The following GSK3B variants were observed in gnomAD, a reference collection of about 807,000 sequenced individuals.
GSK3B encodes the protein glycogen synthase kinase 3 beta.
Under a neutral mutation model 56.4 loss-of-function variants are expected in GSK3B, and 15 were observed. The ratio of observed to expected loss-of-function variants is 0.27; its 90% CI spans 0.18 to 0.41. The LOEUF is 0.41. Among genes scored for constraint, GSK3B ranks in the 10% least tolerant of loss-of-function variants. The probability of loss-of-function intolerance (pLI) is 1.00; values close to 1 mark genes in which losing one functional copy is unlikely to be tolerated. For synonymous variants in GSK3B, 181 were observed against 188.9 expected, an observed-to-expected ratio of 0.96 and a Z score of 0.34; for missense variants, 300 against 513.4, an observed-to-expected ratio of 0.58 and a Z score of 4.02.
In GSK3B at chr3:120,067,331, C is replaced by A. The variant is rs143201417; in HGVS notation, c.88+26016G>T. On this transcript the variant is annotated intron_variant, in intron 1 of 10. Transcript: ENST00000264235. ...ATGCTCCCTGACATAAAATGGAGTA[C>A]GCCCACTAAATCCACTGTAAACTGG... Among the ~76,000 whole-genome samples, 6 of 151,248 alleles carry A rather than the reference C, an allele frequency of 4.0e-5. No homozygotes were observed. The East Asian group carries it at 7.8e-4, about 20-fold the overall frequency.
chr3:120,036,575 T>C (rs993755113), intron 1 of GSK3B, among the ~76,000 whole-genome samples: 1 of 152,058 alleles, frequency 6.6e-6, no homozygotes, highest in Non-Finnish European at 1.5e-5. Flanking sequence ...GGCAGATCAC[T>C]TGAGGTCAGG....
At chr3:119,886,417 G>A (rs2056436606) in intron 7 of GSK3B, among the ~76,000 whole-genome samples, 1 of 152,116 alleles carries the variant, frequency 6.6e-6, no homozygotes, top group African/African-American at 2.4e-5. Context: ...GCAGAGAAAA[G>A]GGAACACTTA....
At chr3:119,848,094 T>C (rs1031406524) in intron 9 of GSK3B, among the ~76,000 whole-genome samples, 1 of 152,214 alleles carries the variant, frequency 6.6e-6, no homozygotes, top group African/African-American at 2.4e-5. Flanking sequence ...TTTATCTGCA[T>C]GGGGGAAGCT....
chr3:120,026,048 C>T (rs2057920178), intron 1 of GSK3B, among the ~76,000 whole-genome samples: 1 of 152,154 alleles, frequency 6.6e-6, no homozygotes, highest in Admixed American at 6.5e-5. Context: ...TTTCTCCTTC[C>T]AGCTCTTATT....
intron 6 of GSK3B, among the ~76,000 whole-genome samples, chr3:119,907,057 T>G (rs765224502): frequency 2.6e-4 from 40 of 152,088 alleles, no homozygotes; most frequent in Non-Finnish European, 4.9e-4. Flanking sequence ...TAAGCACATA[T>G]GAAAACTTGT....
intron 3 of GSK3B, among the ~76,000 whole-genome samples, chr3:119,924,039 T>C (rs2056868443): frequency 1.3e-5 from 2 of 152,234 alleles, no homozygotes; most frequent in South Asian, 4.1e-4. Flanking sequence ...CCTGATAGTA[T>C]ATAACTGATA....
rs1217464059 is a variant in GSK3B at position 119,826,282 on chromosome 3, T to C, written c.*506A>G. 2 of 287,708 alleles carry C rather than the reference T, an allele frequency of 7.0e-6. No individual in the cohort carries two copies. The highest frequency in any genetic ancestry group is 4.4e-5 in the African/African-American group (2 of 45,626). The allele number at this position is 287,708 out of a possible 1,614,324, so 17.8% of individuals were successfully genotyped here. A position where few individuals can be genotyped will look rare whatever the true frequency, so the allele number is the denominator to read the frequency against. ...TAAATACCCGAAGATATGGATTAAT[T>C]TTACAAGTGACATTTAAGTCCCCGT... is the stretch of plus-strand genomic sequence containing the variant. On this transcript the variant is annotated 3_prime_UTR_variant, in exon 11 of 11. Coordinates refer to ENST00000264235, the MANE Select transcript of GSK3B (RefSeq NM_001146156.2).
intron 2 of GSK3B, among the ~76,000 whole-genome samples, chr3:119,952,889 C>A (rs187192903): frequency 6.6e-6 from 1 of 151,804 alleles, no homozygotes; most frequent in African/African-American, 2.4e-5. Context: ...CACATGTTAA[C>A]TGGAATTCAC....
At chr3:119,981,043 G>A (rs1382144285) in intron 2 of GSK3B, among the ~76,000 whole-genome samples, 1 of 152,156 alleles carries the variant, frequency 6.6e-6, no homozygotes, top group African/African-American at 2.4e-5. Context: ...AAATGTCACT[G>A]TAACTCTTAG....
chr3:120,061,624 T>A (rs1370982978), intron 1 of GSK3B, among the ~76,000 whole-genome samples: 1 of 152,208 alleles, frequency 6.6e-6, no homozygotes, highest in Non-Finnish European at 1.5e-5. Context: ...GTCAGGTATA[T>A]CTAAGTTTGT....
At chr3:120,050,303 T>C (rs76003546) in intron 1 of GSK3B, among the ~76,000 whole-genome samples, 2,490 of 152,298 alleles carry the variant, frequency 0.016, 67 homozygotes, top group African/African-American at 0.056. Context: ...CACTGCCACA[T>C]TGATGATCGA....
At chr3:119,861,568 CA>C (rs2056103491) in intron 9 of GSK3B, among the ~76,000 whole-genome samples, 1 of 149,396 alleles carries the variant, frequency 6.7e-6, no homozygotes, top group East Asian at 2.0e-4. Context: ...AAAACAACAA[CA>C]AAAAAACCCC....
At chr3:120,005,909 C>A (rs1438615022) in intron 1 of GSK3B, among the ~76,000 whole-genome samples, 1 of 152,182 alleles carries the variant, frequency 6.6e-6, no homozygotes, top group South Asian at 2.1e-4. Context: ...ATGACAGGAT[C>A]AAATTCACAT....
intron 9 of GSK3B, among the ~76,000 whole-genome samples, chr3:119,859,082 T>C (rs1184999659): frequency 2.0e-5 from 3 of 150,090 alleles, no homozygotes; most frequent in African/African-American, 7.4e-5. Flanking sequence ...AGACACAAAA[T>C]AAACATAAGC....
chr3:119,938,234 T>TA (rs1342935823), intron 3 of GSK3B, among the ~76,000 whole-genome samples: 5 of 151,662 alleles, frequency 3.3e-5, no homozygotes, highest in South Asian at 4.2e-4. Context: ...AAGACTCTTC[T>TA]AAAAAAAATA....
chr3:119,954,737 T>C (rs1441483546), intron 2 of GSK3B, among the ~76,000 whole-genome samples: 3 of 152,180 alleles, frequency 2.0e-5, no homozygotes, highest in Non-Finnish European at 2.9e-5. Flanking sequence ...AGAGTAGACA[T>C]GGAGGCTTTT....
intron 3 of GSK3B, among the ~76,000 whole-genome samples, chr3:119,927,732 A>G (rs542609022): frequency 2.0e-5 from 3 of 152,146 alleles, no homozygotes; most frequent in Non-Finnish European, 4.4e-5. Flanking sequence ...AAGCCATGAG[A>G]ATAGACTTGT....
At chr3:119,931,105 T>C (rs181262414) in intron 3 of GSK3B, among the ~76,000 whole-genome samples, 39 of 152,304 alleles carry the variant, frequency 2.6e-4, no homozygotes, top group African/African-American at 9.1e-4. Flanking sequence ...GGGAAAACAG[T>C]AGTATTTTTG....
At position 120,094,192 on chromosome 3, in the gene GSK3B, G is replaced by GAACCCGGC. The variant is rs1312147632; in HGVS notation, c.-766_-759dup. 1.3e-5 allele frequency: 3 copies of GAACCCGGC among 227,818 alleles called. No individual in the cohort carries two copies. Among genetic ancestry groups the GAACCCGGC allele is most frequent in the Admixed American group, 5.8e-5 (1 of 17,356 alleles). 14.1% of individuals were successfully genotyped at this position (227,818 alleles called of 1,614,324 possible). A position where few individuals can be genotyped will look rare whatever the true frequency, so the allele number is the denominator to read the frequency against. On this transcript the variant is annotated 5_prime_UTR_variant, in exon 1 of 11. Coordinates refer to ENST00000264235, the MANE Select transcript of GSK3B (RefSeq NM_001146156.2). Reference sequence around the variant, plus strand: ...TGTTCCCCATTCGCCGGGGACATGGGAACCCGGCAACCGCTTCCGTCCCTC... The same window carrying GAACCCGGC: ...TGTTCCCCATTCGCCGGGGACATGGGAACCCGGCAACCCGGCAACCGCTTCCGTCCCTC...
Sources: gnomAD v4.1 joint callset for allele counts (sites outside exome capture counted in the v4.1 genomes callset) on GRCh38, gnomAD v4.1.1 for gene constraint, MANE v1.5 for transcripts, NCBI Gene and HGNC (gene_info 2026-07-23, HGNC 2026-07-21) for gene names.